ZNF708: variants seen among roughly 807,000 people sequenced by gnomAD.
The protein encoded by ZNF708 is zinc finger protein 708, also known as ZNF15, ZNF15L1.
ZNF708 carries 44 observed loss-of-function variants against 47.0 expected under a neutral mutation model. The ratio of observed to expected loss-of-function variants is 0.94; its 90% confidence interval spans 0.74 to 1.20. ZNF708 has a LOEUF of 1.20. Among genes scored for constraint, ZNF708 ranks in the 50% most tolerant of loss-of-function variants. The pLI, the probability that ZNF708 is intolerant of heterozygous loss-of-function variation, is 0.00. For synonymous variants in ZNF708, 184 were observed against 218.5 expected, an observed-to-expected ratio of 0.84 and a Z score of 1.39; for missense variants, 557 against 656.0, an observed-to-expected ratio of 0.85 and a Z score of 1.65.
intron 3 of ZNF708, among the ~76,000 whole-genome samples, chr19:21,305,289 G>A (rs767126335): frequency 2.0e-5 from 3 of 151,696 alleles, no homozygotes; most frequent in Non-Finnish European, 2.9e-5. Context: ...GATTACAGGC[G>A]TGAGACACTG....
Position 21,291,464 on chromosome 19 carries a change from C to A in ZNF708, c.*1810G>T, listed in dbSNP as rs2145139546. The A allele has an allele frequency of 6.6e-6, 1 of 152,200 alleles. No individual in the cohort carries two copies. The highest frequency in any genetic ancestry group is 1.5e-5 in the Non-Finnish European group (1 of 68,024). The allele number at this position is 152,200 out of a possible 1,614,324, so 9.4% of individuals were successfully genotyped here. A position where few individuals can be genotyped will look rare whatever the true frequency, so the allele number is the denominator to read the frequency against. On this transcript the variant is annotated 3_prime_UTR_variant, in exon 4 of 4. Transcript: ENST00000356929. ...TGATGCCGTGACAACTGATCACATGCTTTCACATGTGAATACAATAGAAAT... is the reference window on the plus strand; with the variant it reads ...TGATGCCGTGACAACTGATCACATGATTTCACATGTGAATACAATAGAAAT...
Position 21,329,168 on chromosome 19 carries a change from C to T in ZNF708, c.3+42G>A, listed in dbSNP as rs1342163676. The T allele has an allele frequency of 3.1e-6, 5 of 1,610,950 alleles. No individual in the cohort carries two copies. The Admixed American group carries it at 6.7e-5, about 22-fold the overall frequency. On this transcript the variant is annotated intron_variant, in intron 1 of 3. Transcript: ENST00000356929. ...CACAGCCACTTCCCACAGGTTTCAA[C>T]CAGCCCTTCCCCTCTCTCGGGATGT...
intron 1 of ZNF708, among the ~76,000 whole-genome samples, chr19:21,313,620 T>A (rs977665094): frequency 1.1e-4 from 17 of 151,900 alleles, no homozygotes; most frequent in African/African-American, 4.1e-4. Flanking sequence ...TAGCTAGTCA[T>A]GGTGGTGGGT....
intron 1 of ZNF708, 91 bp downstream of exon 1, chr19:21,329,119 A>G: frequency 6.4e-7 from 1 of 1,557,152 alleles, no homozygotes; most frequent in Non-Finnish European, 8.8e-7. Flanking sequence ...TGTGGAGATG[A>G]CTGCGGGGAG....
Position 21,294,411 on chromosome 19 carries a change from TTGAG to T in ZNF708, c.551_554del (p.Thr184AsnfsTer4). ...TTTCTCCAGTATGAATTATCTCATGTTGAGTTAGTTGTGAAAGCATGCAAAATGA... is the reference window on the plus strand; with the variant it reads ...TTTCTCCAGTATGAATTATCTCATGTTTAGTTGTGAAAGCATGCAAAATGA... On this transcript the variant is annotated frameshift_variant, in exon 4 of 4. Coordinates refer to ENST00000356929, the MANE Select transcript of ZNF708 (RefSeq NM_021269.3). LOFTEE classifies it high-confidence loss of function. 1.9e-6 allele frequency: 3 copies of T among 1,613,794 alleles called. No homozygotes were observed. The highest frequency in any genetic ancestry group is 1.3e-5 in the African/African-American group (1 of 74,992).
intron 1 of ZNF708, among the ~76,000 whole-genome samples, chr19:21,317,467 T>C (rs2928197): frequency 7.9e-5 from 12 of 152,162 alleles, no homozygotes; most frequent in African/African-American, 2.6e-4. Flanking sequence ...GTGAGTTGAC[T>C]GGAATCCTGA....
intron 3 of ZNF708, among the ~76,000 whole-genome samples, chr19:21,304,240 G>T (rs1184698752): frequency 1.3e-5 from 2 of 151,502 alleles, no homozygotes; most frequent in African/African-American, 4.9e-5. Context: ...CAGAGTAAGT[G>T]TGAGGTGAAG....
intron 3 of ZNF708, among the ~76,000 whole-genome samples, chr19:21,299,930 T>G (rs1972620133): frequency 6.6e-6 from 1 of 152,128 alleles, no homozygotes; most frequent in South Asian, 2.1e-4. Context: ...ATGTTAATAT[T>G]AGAAGAATTT....
chr19:21,313,684 G>A (rs1204786121), intron 1 of ZNF708, among the ~76,000 whole-genome samples: 1 of 151,702 alleles, frequency 6.6e-6, no homozygotes, highest in East Asian at 1.9e-4. Flanking sequence ...TTTGAACCCG[G>A]GAGGTGGAGG....
At chr19:21,323,750 C>T (rs1973198907) in intron 1 of ZNF708, among the ~76,000 whole-genome samples, 1 of 152,196 alleles carries the variant, frequency 6.6e-6, no homozygotes, top group East Asian at 1.9e-4. Flanking sequence ...CTTTCCAGGG[C>T]TCTGTAGCTT....
At chr19:21,296,459 G>A (rs1972528616) in intron 3 of ZNF708, among the ~76,000 whole-genome samples, 1 of 152,038 alleles carries the variant, frequency 6.6e-6, no homozygotes, top group South Asian at 2.1e-4. Context: ...CCAAGATCAT[G>A]CCATTGCACT....
intron 3 of ZNF708, among the ~76,000 whole-genome samples, chr19:21,299,758 G>GT (rs1221510102): frequency 1.4e-5 from 2 of 145,924 alleles, no homozygotes; most frequent in Admixed American, 1.4e-4. Flanking sequence ...AGGAGACACA[G>GT]TGAGACTCCA....
intron 3 of ZNF708, among the ~76,000 whole-genome samples, chr19:21,305,457 T>A (rs1391544439): frequency 6.6e-6 from 1 of 151,784 alleles, no homozygotes. Context: ...ATTTTTTTAT[T>A]TTTATTTTTT....
intron 3 of ZNF708, among the ~76,000 whole-genome samples, chr19:21,301,201 G>T (rs971908023): frequency 6.6e-6 from 1 of 152,112 alleles, no homozygotes; most frequent in Non-Finnish European, 1.5e-5. Context: ...TGAGAGCCAG[G>T]CACGGTGGCT....
chr19:21,327,532 C>CAAAA (rs34203181), intron 1 of ZNF708, among the ~76,000 whole-genome samples: 1 of 133,876 alleles, frequency 7.5e-6, no homozygotes, highest in Non-Finnish European at 1.6e-5. Context: ...AACTCCACCT[C>CAAAA]AAAAAAAAAA....
intron 3 of ZNF708, among the ~76,000 whole-genome samples, chr19:21,297,548 G>C (rs1299360537): frequency 8.5e-6 from 1 of 117,212 alleles, no homozygotes; most frequent in Admixed American, 8.5e-5. Flanking sequence ...AAAGAAGACA[G>C]AGGGAAAATG....
intron 3 of ZNF708, among the ~76,000 whole-genome samples, chr19:21,295,669 CG>C (rs1972513988): frequency 6.6e-6 from 1 of 151,894 alleles, no homozygotes; most frequent in African/African-American, 2.4e-5. Flanking sequence ...CGCTTGAACT[CG>C]GGAGGCAGAG....
chr19:21,297,266 ATATATTTTTTTTTT>A (rs1308511491), intron 3 of ZNF708, among the ~76,000 whole-genome samples: 1 of 14,860 alleles, frequency 6.7e-5, no homozygotes, highest in African/African-American at 2.1e-4. Flanking sequence ...ATATATATAT[ATATATTTTTTTTTT>A]TTTTTTTTTT....
chr19:21,316,614 G>C (rs1434302024), intron 1 of ZNF708, among the ~76,000 whole-genome samples: 1 of 152,142 alleles, frequency 6.6e-6, no homozygotes, highest in African/African-American at 2.4e-5. Context: ...TATTCTGCTA[G>C]GGTTTTTGGG....
Sources: allele counts gnomAD v4.1 joint callset (sites outside exome capture counted in the v4.1 genomes callset), GRCh38; gene constraint gnomAD v4.1.1; transcripts MANE v1.5; gene names NCBI Gene and HGNC (gene_info 2026-07-23, HGNC 2026-07-21).